TASP1: variants seen among roughly 807,000 people sequenced by gnomAD.
TASP1 encodes taspase 1.
TASP1 carries 16 observed loss-of-function variants against 56.6 expected under a neutral mutation model. That is an observed-to-expected ratio of 0.28 (90% CI 0.19 to 0.43). TASP1 has a LOEUF of 0.43. Among genes scored for constraint, TASP1 ranks in the 20% least tolerant of loss-of-function variants. The pLI, the probability that TASP1 is intolerant of heterozygous loss-of-function variation, is 1.00. For synonymous variants in TASP1, 179 were observed against 184.2 expected, an observed-to-expected ratio of 0.97 and a Z score of 0.23; for missense variants, 393 against 511.6, an observed-to-expected ratio of 0.77 and a Z score of 2.24.
intron 11 of TASP1, among the ~76,000 whole-genome samples, chr20:13,459,970 A>T (rs2043993085): frequency 6.6e-6 from 1 of 152,164 alleles, no homozygotes; most frequent in South Asian, 2.1e-4. Flanking sequence ...TGTCTTCTAT[A>T]TAGACAAGAA....
chr20:13,130,244 C>T, the TASP1 span, among the ~76,000 whole-genome samples: 1 of 152,190 alleles, frequency 6.6e-6, no homozygotes, highest in African/African-American at 2.4e-5. Context: ...GAGATAGACT[C>T]ACTCTCAGGG....
intron 12 of TASP1, among the ~76,000 whole-genome samples, chr20:13,424,550 G>A (rs977317081): frequency 2.6e-5 from 4 of 151,896 alleles, no homozygotes; most frequent in Admixed American, 1.3e-4. Context: ...CCAGCAACAC[G>A]CAGGGTAAAT....
chr20:13,224,766 AATAGTTAAGATT>A, the TASP1 span, among the ~76,000 whole-genome samples: 1 of 152,172 alleles, frequency 6.6e-6, no homozygotes, highest in Non-Finnish European at 1.5e-5. Flanking sequence ...AAGCAACAAT[AATAGTTAAGATT>A]TATTAAGTGC....
chr20:13,346,271 G>A, the TASP1 span, among the ~76,000 whole-genome samples: 1 of 152,192 alleles, frequency 6.6e-6, no homozygotes, highest in Non-Finnish European at 1.5e-5. Flanking sequence ...AATGGATTGT[G>A]TAGATAAATC....
the TASP1 span, among the ~76,000 whole-genome samples, chr20:13,324,843 A>C: frequency 1.3e-5 from 2 of 152,212 alleles, no homozygotes; most frequent in Non-Finnish European, 2.9e-5. Context: ...ACCTAGTTTA[A>C]GTTTCTTATT....
chr20:13,384,550 A>G (rs1373755374), downstream of TASP1, among the ~76,000 whole-genome samples: 1 of 152,148 alleles, frequency 6.6e-6, no homozygotes, highest in Admixed American at 6.5e-5. Context: ...TGAGTTTCTG[A>G]TCATAGACAT....
At chr20:13,339,834 T>C in the TASP1 span, among the ~76,000 whole-genome samples, 1 of 152,168 alleles carries the variant, frequency 6.6e-6, no homozygotes, top group South Asian at 2.1e-4. Context: ...TAGTCCCAGC[T>C]CACGCTCAAT....
chr20:13,342,631 A>G, the TASP1 span, among the ~76,000 whole-genome samples: 2 of 152,190 alleles, frequency 1.3e-5, no homozygotes, highest in African/African-American at 2.4e-5. Flanking sequence ...AATCAGAGAC[A>G]ATCCCCGCCT....
chr20:13,363,580 G>A, the TASP1 span, among the ~76,000 whole-genome samples: 1 of 152,166 alleles, frequency 6.6e-6, no homozygotes, highest in East Asian at 1.9e-4. Context: ...ATGTTTTCTG[G>A]CCAATTGGTC....
chr20:13,127,917 CT>C, the TASP1 span, among the ~76,000 whole-genome samples: 613 of 152,214 alleles, frequency 4.0e-3, 3 homozygotes, highest in African/African-American at 0.014. Context: ...CTAGGAAGCC[CT>C]TATGGTATGA....
intron 12 of TASP1, among the ~76,000 whole-genome samples, chr20:13,425,751 CTCT>C (rs1263718936): frequency 6.6e-6 from 1 of 152,016 alleles, no homozygotes; most frequent in Non-Finnish European, 1.5e-5. Flanking sequence ...GAACAGCCTC[CTCT>C]TATCACTGTA....
chr20:13,344,722 C>T, the TASP1 span, among the ~76,000 whole-genome samples: 1 of 152,216 alleles, frequency 6.6e-6, no homozygotes, highest in African/African-American at 2.4e-5. Flanking sequence ...CTTTGCCTTC[C>T]TCATGTTCCC....
At chr20:13,481,269 G>A (rs2043132243) in intron 11 of TASP1, among the ~76,000 whole-genome samples, 1 of 151,958 alleles carries the variant, frequency 6.6e-6, no homozygotes. Context: ...TCTTTTTTAT[G>A]TCTGCATAGT....
At chr20:13,352,650 T>G in the TASP1 span, among the ~76,000 whole-genome samples, 1 of 152,158 alleles carries the variant, frequency 6.6e-6, no homozygotes, top group Admixed American at 6.5e-5. Context: ...GTCTGTGGCC[T>G]TTTTTAATTG....
At chr20:13,556,410 G>C (rs1033658743) in intron 8 of TASP1, among the ~76,000 whole-genome samples, 2 of 152,088 alleles carry the variant, frequency 1.3e-5, no homozygotes, top group Non-Finnish European at 2.9e-5. Flanking sequence ...TATTCACATA[G>C]TAGCCCATGG....
At chr20:13,443,227 G>C (rs2043286202) in intron 11 of TASP1, among the ~76,000 whole-genome samples, 1 of 151,892 alleles carries the variant, frequency 6.6e-6, no homozygotes, top group African/African-American at 2.4e-5. Context: ...GTGGTGATAG[G>C]GTATCAATTT....
At chr20:13,179,040 T>C in the TASP1 span, among the ~76,000 whole-genome samples, 13 of 152,260 alleles carry the variant, frequency 8.5e-5, no homozygotes, top group African/African-American at 2.6e-4. Flanking sequence ...CCCATGAATA[T>C]GTACAATTAT....
intron 4 of TASP1, among the ~76,000 whole-genome samples, chr20:13,589,350 G>A (rs1043355700): frequency 2.6e-5 from 4 of 152,068 alleles, no homozygotes; most frequent in African/African-American, 9.7e-5. Flanking sequence ...GAGCCACCGC[G>A]CCTGGCCAGA....
intron 1 of TASP1, among the ~76,000 whole-genome samples, chr20:13,638,194 G>A (rs935126228): frequency 6.6e-6 from 1 of 152,090 alleles, no homozygotes; most frequent in Non-Finnish European, 1.5e-5. Context: ...AAACTCCTAA[G>A]AATATAAGTA....
Sources: gnomAD v4.1 joint callset for allele counts (sites outside exome capture counted in the v4.1 genomes callset) on GRCh38, gnomAD v4.1.1 for gene constraint, MANE v1.5 for transcripts, NCBI Gene and HGNC (gene_info 2026-07-23, HGNC 2026-07-21) for gene names.